CD93: variants seen among roughly 807,000 people sequenced by gnomAD.
CD93 encodes complement component C1q receptor.
In CD93, 44 loss-of-function variants were observed where a neutral mutation model predicts 45.5. The ratio of observed to expected loss-of-function variants is 0.97; its 90% CI spans 0.76 to 1.24. The LOEUF (loss-of-function observed/expected upper bound fraction) is 1.24. Ranked by LOEUF, CD93 falls within the 50% of genes most tolerant of loss-of-function variation. CD93 has a pLI of 0.00. For missense variants in CD93, 918 were observed against 844.5 expected (o/e 1.09, Z -1.08); for synonymous variants, 431 against 370.8 (o/e 1.16, Z -1.87).
At position 23,085,831 on chromosome 20, in the gene CD93, T is replaced by TTGGGGC; in HGVS notation, c.361_362insGCCCCA (p.Glu121delinsGlyProLys). 2 of 1,491,254 alleles carry TTGGGGC rather than the reference T, an allele frequency of 1.3e-6. No homozygotes were observed. The highest frequency in any genetic ancestry group is 1.8e-6 in the Non-Finnish European group (2 of 1,097,870). The allele number at this position is 1,491,254 out of a possible 1,614,324, so 92.4% of individuals were successfully genotyped here. ...GTGCCAGTTAGAGTAAGGCGTGTCC[T>TTGGGGC]CCCCCCCGCCCACCCAGCTGAAGCC... is the stretch of plus-strand genomic sequence containing the variant. On this transcript the variant is annotated protein_altering_variant, in exon 1 of 2. Transcript: ENST00000246006.
rs1985335250 is a variant in CD93, at chr20:23,082,029, TCGTGGC to T, written c.*1915_*1920del. ...CCAGCTTCACACATCACCTAGAGTC[TCGTGGC>T]CAAGGAAGTTTTGCCAAATGGACAC... On this transcript the variant is annotated 3_prime_UTR_variant, in exon 2 of 2. Coordinates refer to ENST00000246006, the MANE Select transcript of CD93 (RefSeq NM_012072.4). The T allele has an allele frequency of 1.3e-5, 2 of 152,090 alleles. No homozygotes were observed. Among genetic ancestry groups the T allele is most frequent in the Admixed American group, 1.3e-4 (2 of 15,224 alleles). The allele number at this position is 152,090 out of a possible 1,614,324, so 9.4% of individuals were successfully genotyped here.
rs1317844418 is a variant in CD93, at chr20:23,085,719, G to C, written c.474C>G (p.Pro158=). ...TCCCACAGGGGCCCTCAGACCACTT[G>C]GGGAGGCGGCTGGGAAGGAGCGGCT... ...LSQPLLPSRL[P]KWSEGPCGSP... The change falls in exon 1 of 2, where the codon CCC becomes CCG. Residue 158 remains proline, a synonymous_variant. Transcript: ENST00000246006. The C allele has an allele frequency of 5.6e-6, 9 of 1,611,430 alleles. No individual in the cohort carries two copies. Among genetic ancestry groups the C allele is most frequent in the Non-Finnish European group, 7.6e-6 (9 of 1,179,906 alleles).
chr20:23,085,609 C>A lies in CD93; in HGVS notation c.584G>T (p.Gly195Val), dbSNP rs780607264. 10 of 1,612,950 alleles carry A rather than the reference C, an allele frequency of 6.2e-6. No homozygotes were observed. Among genetic ancestry groups the A allele is most frequent in the Admixed American group, 1.7e-5 (1 of 59,958 alleles). The change falls in exon 1 of 2, where the codon GGC (glycine) becomes GTC (valine). Residue 195 changes from glycine (G) to valine (V), a missense_variant. By Grantham distance (109) the Gly-to-Val change is moderately radical. Transcript: ENST00000246006. ...KGMCRPLALG[G>V]PGQVTYTTPF... The stretch of plus-strand genomic sequence containing the variant: ...GGTGGTGTAGGTCACCTGACCTGGG[C>A]CCCCCAGGGCCAGAGGCCGGCACAT...
Position 23,086,010 on chromosome 20 carries a change from G to A in CD93, c.183C>T (p.Ala61=). 1 of 1,610,516 alleles carries A rather than the reference G, an allele frequency of 6.2e-7. No individual in the cohort carries two copies. Among genetic ancestry groups the A allele is most frequent in the Non-Finnish European group, 8.5e-7 (1 of 1,179,424 alleles). ...GGGCCTCCTCCTTGCTCTTCACAGT[G>A]GCCAGGTTGCCCCCGTTCTGGTTGC... ...NHCNQNGGNL[A]TVKSKEEAQH... is the part of the protein sequence containing the mutation. Residue 61 remains alanine, a synonymous_variant, in exon 1 of 2, where the codon GCC becomes GCT. Transcript: ENST00000246006.
rs1396495067 is a variant in CD93, at chr20:23,084,169, G to C, written c.1934+90C>G. 1.1e-5 allele frequency: 17 copies of C among 1,514,220 alleles called. No individual in the cohort carries two copies. The Admixed American group carries it at 2.9e-4, about 26-fold the overall frequency. The allele number at this position is 1,514,220 out of a possible 1,614,324, so 93.8% of individuals were successfully genotyped here. ...GGGTGTGTCTGCCCACAGGAAACCT[G>C]GGCCTGCTCTTGCTGCCACCTCTTT... On this transcript the variant is annotated intron_variant, in intron 1 of 1. Coordinates refer to ENST00000246006, the MANE Select transcript of CD93 (RefSeq NM_012072.4).
rs1432530163 is a variant in CD93 at position 23,086,235 on chromosome 20, C to T, written c.-43G>A. 5 of 1,465,544 alleles carry T rather than the reference C, an allele frequency of 3.4e-6. No individual in the cohort carries two copies. Among genetic ancestry groups the T allele is most frequent in the South Asian group, 2.7e-5 (2 of 73,004 alleles). 90.8% of individuals were successfully genotyped at this position (1,465,544 alleles called of 1,614,324 possible). ...CCTCTGCGGGAGGCGAGAAGCCCAG[C>T]GGCGACAGGAGCTTCTATCTCGGCT... On this transcript the variant is annotated 5_prime_UTR_variant, in exon 1 of 2. Transcript: ENST00000246006.
chr20:23,086,034 G>A lies in CD93; in HGVS notation c.159C>T (p.Cys53=). The A allele has an allele frequency of 1.2e-6, 2 of 1,609,612 alleles. No individual in the cohort carries two copies. The highest frequency in any genetic ancestry group is 1.7e-6 in the Non-Finnish European group (2 of 1,179,538). Residue 53 remains cysteine, a synonymous_variant, in exon 1 of 2, where the codon TGC becomes TGT. Transcript: ENST00000246006. ...KLSAAEAQNH[C]NQNGGNLATV... Reference sequence around the variant, plus strand: ...TGGCCAGGTTGCCCCCGTTCTGGTTGCAGTGGTTCTGGGCCTCGGCAGCGC... The same window carrying A: ...TGGCCAGGTTGCCCCCGTTCTGGTTACAGTGGTTCTGGGCCTCGGCAGCGC...
Position 23,085,959 on chromosome 20 carries a change from C to G in CD93, c.234G>C (p.Gln78His), listed in dbSNP as rs141910630. ...EAQHVQRVLA[Q>H]LLRREAALTA... ...TCAGGGCTGCCTCCCGCCTCAGGAG[C>G]TGGGCCAGTACTCGCTGGACGTGCT... Residue 78 changes from glutamine to histidine, a missense_variant, in exon 1 of 2, where the codon CAG becomes CAC. Physicochemically the swap from Gln to His is conservative, Grantham distance 24 (BLOSUM62 0). Transcript: ENST00000246006. 6.4e-5 allele frequency: 103 copies of G among 1,610,598 alleles called. No individual in the cohort carries two copies. In the African/African-American group the frequency reaches 1.3e-3, roughly 20 times the overall value.
rs2122708297 is a variant in CD93 at position 23,085,329 on chromosome 20, T to C, written c.864A>G (p.Arg288=). 1.9e-6 allele frequency: 3 copies of C among 1,613,964 alleles called. No individual in the cohort carries two copies. Among genetic ancestry groups the C allele is most frequent in the Non-Finnish European group, 2.5e-6 (3 of 1,180,010 alleles). Residue 288 remains arginine, a synonymous_variant, in exon 1 of 2, where the codon CGA becomes CGG. Coordinates refer to ENST00000246006, the MANE Select transcript of CD93 (RefSeq NM_012072.4). ...GGTCATCCAGCAGCCGGAATCCTGG[T>C]CGGCAGCCGCAGAGGAAGGAGCCAT... is the stretch of plus-strand genomic sequence containing the variant. ...GGDGSFLCGC[R]PGFRLLDDLV... is the part of the protein sequence containing the mutation.
Position 23,085,582 on chromosome 20 carries a change from G to C in CD93, c.611C>G (p.Pro204Arg). 3.1e-6 allele frequency: 5 copies of C among 1,613,828 alleles called. No individual in the cohort carries two copies. Among genetic ancestry groups the C allele is most frequent in the Admixed American group, 1.7e-5 (1 of 60,034 alleles). Residue 204 changes from proline to arginine, a missense_variant, in exon 1 of 2, where the codon CCC becomes CGC. Coordinates refer to ENST00000246006, the MANE Select transcript of CD93 (RefSeq NM_012072.4). Reference sequence around the variant, plus strand: ...CAAGGAGGAACTGGTGGTCTGGAAGGGGGTGGTGTAGGTCACCTGACCTGG... The same window carrying C: ...CAAGGAGGAACTGGTGGTCTGGAAGCGGGTGGTGTAGGTCACCTGACCTGG... ...GGPGQVTYTT[P>R]FQTTSSSLEA...
rs1985385350 is a variant in CD93 at position 23,083,636 on chromosome 20, A to G, written c.*314T>C. On this transcript the variant is annotated 3_prime_UTR_variant, in exon 2 of 2. Transcript: ENST00000246006. ...GAGAAGATATTCAGGGGAGCCCCTTAGCCCCGGCCTCCTCACACCCTGATC... is the reference window on the plus strand; with the variant it reads ...GAGAAGATATTCAGGGGAGCCCCTTGGCCCCGGCCTCCTCACACCCTGATC... 4.4e-6 allele frequency: 2 copies of G among 455,846 alleles called. No individual in the cohort carries two copies. The highest frequency in any genetic ancestry group is 8.0e-6 in the Non-Finnish European group (2 of 251,138). The allele number at this position is 455,846 out of a possible 1,614,324, so 28.2% of individuals were successfully genotyped here. A position where few individuals can be genotyped will look rare whatever the true frequency, so the allele number is the denominator to read the frequency against.
rs761185267 is a variant in CD93 at position 23,085,270 on chromosome 20, G to C, written c.923C>G (p.Ser308Cys). ...VTCASRNPCS[S>C]SPCRGGATCV... The stretch of plus-strand genomic sequence containing the variant: ...CGTGGCCCCCCCACGACATGGGCTG[G>C]AGCTGCAAGGGTTTCGAGAGGCACA... Residue 308 changes from serine (S) to cysteine (C), a missense_variant, in exon 1 of 2, where the codon TCC becomes TGC. Physicochemically the swap from Ser to Cys is moderately radical, Grantham distance 112. Coordinates refer to ENST00000246006, the MANE Select transcript of CD93 (RefSeq NM_012072.4). 2 of 1,613,846 alleles carry C rather than the reference G, an allele frequency of 1.2e-6. No homozygotes were observed. Among genetic ancestry groups the C allele is most frequent in the Admixed American group, 3.3e-5 (2 of 60,024 alleles).
rs999917186 is a variant in CD93 at position 23,085,503 on chromosome 20, C to T, written c.690G>A (p.Lys230=). Residue 230 remains lysine, a synonymous_variant, in exon 1 of 2, where the codon AAG becomes AAA. Coordinates refer to ENST00000246006, the MANE Select transcript of CD93 (RefSeq NM_012072.4). ...GGAAATAATGACTCTGAGTCTCGTC[C>T]TTGTCACCTTCCCCACAGGCTACAT... ...AANVACGEGD[K]DETQSHYFLC... 1.2e-6 allele frequency: 2 copies of T among 1,613,924 alleles called. No homozygotes were observed. The highest frequency in any genetic ancestry group is 1.7e-6 in the Non-Finnish European group (2 of 1,180,046).
rs756254108 is a variant in CD93, at chr20:23,084,249, C to T, written c.1934+10G>A. 41 of 1,611,808 alleles carry T rather than the reference C, an allele frequency of 2.5e-5. No homozygotes were observed. Among genetic ancestry groups the T allele is most frequent in the Non-Finnish European group, 2.9e-5 (34 of 1,179,152 alleles). On this transcript the variant is annotated intron_variant, in intron 1 of 1. Transcript: ENST00000246006. The stretch of plus-strand genomic sequence containing the variant: ...CATCCCCTCCCCCGGTCACTCAGGG[C>T]CCCCTTTACCTGTACTGGTTCTCCA...
rs761695801 is a variant in CD93 at position 23,085,435 on chromosome 20, G to A, written c.758C>T (p.Ser253Leu). Residue 253 changes from serine to leucine, a missense_variant, in exon 1 of 2, where the codon TCG becomes TTG. Transcript: ENST00000246006. ...CTTGGGGCTGACACAGAGGGGGCCC[G>A]AGCTGCCCCAGTCGAACACATCGGG... Reference protein sequence around the residue: ...KAPDVFDWGSSGPLCVSPKYG... With the variant: ...KAPDVFDWGSLGPLCVSPKYG... The A allele has an allele frequency of 1.5e-5, 24 of 1,613,736 alleles. No homozygotes were observed. In the East Asian group the frequency reaches 1.8e-4, roughly 12 times the overall value.
At position 23,083,790 on chromosome 20, in the gene CD93, C is replaced by T; in HGVS notation, c.*160G>A. 1.4e-6 allele frequency: 1 copy of T among 701,748 alleles called. No homozygotes were observed. Among genetic ancestry groups the T allele is most frequent in the Non-Finnish European group, 2.6e-6 (1 of 384,796 alleles). 43.5% of individuals were successfully genotyped at this position (701,748 alleles called of 1,614,324 possible). ...GAACATCAAACACCCGTAGAAAATA[C>T]CTGCATGTTCCAAGGGGCCTTTAAG... On this transcript the variant is annotated 3_prime_UTR_variant, in exon 2 of 2. Coordinates refer to ENST00000246006, the MANE Select transcript of CD93 (RefSeq NM_012072.4).
At position 23,085,000 on chromosome 20, in the gene CD93, T is replaced by A; in HGVS notation, c.1193A>T (p.Gln398Leu). 1 of 1,613,930 alleles carries A rather than the reference T, an allele frequency of 6.2e-7. No individual in the cohort carries two copies. Among genetic ancestry groups the A allele is most frequent in the Non-Finnish European group, 8.5e-7 (1 of 1,180,004 alleles). ...TGAGCCATCTGTGTTGGTGCAGCCC[T>A]GGGCGCAAGGCGAGCGACCCAGAGC... is the stretch of plus-strand genomic sequence containing the variant. The part of the protein sequence containing the change: ...ECALGRSPCA[Q>L]GCTNTDGSFH... Residue 398 changes from glutamine to leucine, a missense_variant, in exon 1 of 2, where the codon CAG (glutamine) becomes CTG (leucine). Gln to Leu is a moderately radical substitution (Grantham distance 113). Transcript: ENST00000246006.
chr20:23,086,128 G>C lies in CD93; in HGVS notation c.65C>G (p.Thr22Arg). Residue 22 changes from threonine to arginine, a missense_variant, in exon 1 of 2, where the codon ACG becomes AGG. Physicochemically the swap from Thr to Arg is moderately conservative, Grantham distance 71. Transcript: ENST00000246006. ...LLLLTQPGAG[T>R]GADTEAVVCV... ...GACCACCGCCTCCGTGTCAGCTCCCGTCCCCGCCCCGGGCTGGGTCAGGAG... is the reference window on the plus strand; with the variant it reads ...GACCACCGCCTCCGTGTCAGCTCCCCTCCCCGCCCCGGGCTGGGTCAGGAG... 1 of 1,583,598 alleles carries C rather than the reference G, an allele frequency of 6.3e-7. No individual in the cohort carries two copies. Among genetic ancestry groups the C allele is most frequent in the Non-Finnish European group, 8.5e-7 (1 of 1,172,214 alleles).
Position 23,084,394 on chromosome 20 carries a change from G to C in CD93, c.1799C>G (p.Ala600Gly). The change falls in exon 1 of 2, where the codon GCT becomes GGT. Residue 600 changes from alanine to glycine, a missense_variant. Transcript: ENST00000246006. The part of the protein sequence containing the change: ...VVAILLLLAL[A>G]LGLLVYRKRR... ...CTTGCGATAGACCAGTAGCCCCAGAGCCAGGGCCAGCAGGAGTAGGATGGC... is the reference window on the plus strand; with the variant it reads ...CTTGCGATAGACCAGTAGCCCCAGACCCAGGGCCAGCAGGAGTAGGATGGC... 1 of 1,614,224 alleles carries C rather than the reference G, an allele frequency of 6.2e-7. No homozygotes were observed. The highest frequency in any genetic ancestry group is 8.5e-7 in the Non-Finnish European group (1 of 1,180,048).
Sources: allele counts gnomAD v4.1 joint callset, GRCh38; gene constraint gnomAD v4.1.1; transcripts MANE v1.5; gene names NCBI Gene and HGNC (gene_info 2026-07-23, HGNC 2026-07-21).